Variants in SLC25A42 observed in about 807,000 individuals in gnomAD.
SLC25A42 encodes the protein solute carrier family 25 member 42.
A neutral mutation model predicts 34.7 loss-of-function variants in SLC25A42; 19 were observed. The ratio of observed to expected loss-of-function variants is 0.55; its 90% CI spans 0.38 to 0.80. The LOEUF is 0.80. Ranked by LOEUF, SLC25A42 falls within the 30% of genes least tolerant of loss-of-function variation. SLC25A42 has a pLI of 0.00. For synonymous variants in SLC25A42, 205 were observed against 191.2 expected, an observed-to-expected ratio of 1.07 and a Z score of -0.59; for missense variants, 364 against 441.3, an observed-to-expected ratio of 0.82 and a Z score of 1.57.
At chr19:19,084,406 C>T (rs1336018974) in intron 1 of SLC25A42, among the ~76,000 whole-genome samples, 1 of 152,210 alleles carries the variant, frequency 6.6e-6, no homozygotes, top group Admixed American at 6.5e-5. Context: ...GCTTCTTTGT[C>T]TATGGCGGTG....
At chr19:19,076,612 C>T (rs1027433903) in intron 1 of SLC25A42, among the ~76,000 whole-genome samples, 1 of 152,214 alleles carries the variant, frequency 6.6e-6, no homozygotes, top group East Asian at 1.9e-4. Flanking sequence ...CCAGGTTTGG[C>T]ATCCATTGGC....
Position 19,107,951 on chromosome 19 carries a change from T to C in SLC25A42, c.555T>C (p.Thr185=). The change falls in exon 7 of 8, where the codon ACT becomes ACC. Residue 185 remains threonine (T), a synonymous_variant. Transcript: ENST00000318596. ...IRISREEGLK[T]LYHGFMPTVL... ...TCTCGAGAGAAGAGGGGCTGAAGAC[T>C]CTCTACCATGGATTTATGCCCACCG... 2 of 1,614,036 alleles carry C rather than the reference T, an allele frequency of 1.2e-6. No homozygotes were observed. The highest frequency in any genetic ancestry group is 1.7e-6 in the Non-Finnish European group (2 of 1,179,958).
chr19:19,099,094 G>A (rs963390764), intron 2 of SLC25A42, among the ~76,000 whole-genome samples: 1 of 152,152 alleles, frequency 6.6e-6, no homozygotes, highest in Non-Finnish European at 1.5e-5. Flanking sequence ...GAAGAAACTG[G>A]CCTGAAGCTG....
rs1395094816 is a variant in SLC25A42, at chr19:19,110,514, G to A, written c.650-55G>A. ...GGTGCAAAGGCGCGCGCACGGGTGC[G>A]GGGTGCGCGCCCCCTCGCGGCGCCT... On this transcript the variant is annotated intron_variant, in intron 7 of 7. Coordinates refer to ENST00000318596, the MANE Select transcript of SLC25A42 (RefSeq NM_178526.5). 2.2e-6 allele frequency: 3 copies of A among 1,356,068 alleles called. No homozygotes were observed. The East Asian group carries it at 9.0e-5, about 41-fold the overall frequency. 84.0% of individuals were successfully genotyped at this position (1,356,068 alleles called of 1,614,324 possible).
intron 3 of SLC25A42, among the ~76,000 whole-genome samples, chr19:19,103,584 G>A (rs1352789818): frequency 6.6e-6 from 1 of 152,296 alleles, no homozygotes; most frequent in Admixed American, 6.5e-5. Flanking sequence ...AGAAACCCTC[G>A]CCCTCCCTCG....
At position 19,066,558 on chromosome 19, in the gene SLC25A42, C is replaced by T. The variant is rs1453593737; in HGVS notation, c.-35+2443C>T. ...CCGCCTCCCAAGTTCAAGCCATTCT[C>T]CTGCCTCAGCCTCCTGAGTAGCTGG... On this transcript the variant is annotated intron_variant, in intron 1 of 7. Coordinates refer to ENST00000318596, the MANE Select transcript of SLC25A42 (RefSeq NM_178526.5). Among the ~76,000 whole-genome samples, 4 of 151,984 alleles carry T rather than the reference C, an allele frequency of 2.6e-5. No individual in the cohort carries two copies. The East Asian group carries it at 5.8e-4, about 22-fold the overall frequency.
At chr19:19,097,982 T>C (rs1300338266) in intron 2 of SLC25A42, among the ~76,000 whole-genome samples, 1 of 148,078 alleles carries the variant, frequency 6.8e-6, no homozygotes, top group Non-Finnish European at 1.5e-5. Context: ...AAAAAAATAC[T>C]GAGCTTCTTC....
intron 1 of SLC25A42, among the ~76,000 whole-genome samples, chr19:19,077,844 G>A (rs1422224424): frequency 6.6e-6 from 1 of 152,136 alleles, no homozygotes; most frequent in Non-Finnish European, 1.5e-5. Context: ...CTGAGATCGT[G>A]CCATTGCACT....
intron 1 of SLC25A42, among the ~76,000 whole-genome samples, chr19:19,079,203 A>G (rs545004865): frequency 2.0e-5 from 3 of 151,876 alleles, no homozygotes; most frequent in African/African-American, 7.3e-5. Flanking sequence ...TTACAGGTGC[A>G]TGCCATCATA....
At chr19:19,106,412 T>C in intron 6 of SLC25A42, 27 bp downstream of exon 6, 3 of 1,580,930 alleles carry the variant, frequency 1.9e-6, no homozygotes, top group Non-Finnish European at 2.6e-6. Context: ...GTGATGCGCA[T>C]CAGCCCCGGG....
At chr19:19,108,342 G>A (rs1186066165) in intron 7 of SLC25A42, among the ~76,000 whole-genome samples, 3 of 152,192 alleles carry the variant, frequency 2.0e-5, no homozygotes, top group Non-Finnish European at 4.4e-5. Flanking sequence ...CTTGAGGTCA[G>A]GAGTTGCAGA....
At chr19:19,108,914 G>A (rs891445994) in intron 7 of SLC25A42, among the ~76,000 whole-genome samples, 1 of 151,680 alleles carries the variant, frequency 6.6e-6, no homozygotes, top group African/African-American at 2.4e-5. Flanking sequence ...GTGAGCCGCT[G>A]CACTCAGCCC....
chr19:19,100,056 T>C (rs1318155934), intron 2 of SLC25A42, among the ~76,000 whole-genome samples: 1 of 151,512 alleles, frequency 6.6e-6, no homozygotes, highest in Non-Finnish European at 1.5e-5. Flanking sequence ...AAATAGCCCA[T>C]TTCGGCCGGG....
At chr19:19,073,100 G>A (rs143169162) in intron 1 of SLC25A42, among the ~76,000 whole-genome samples, 130 of 152,366 alleles carry the variant, frequency 8.5e-4, no homozygotes, top group African/African-American at 3.1e-3. Flanking sequence ...GCATGCTGCT[G>A]TGTGGCTATG....
chr19:19,071,989 C>T (rs1026759408), intron 1 of SLC25A42, among the ~76,000 whole-genome samples: 3 of 152,226 alleles, frequency 2.0e-5, no homozygotes, highest in African/African-American at 7.2e-5. Context: ...CTCAGACTGG[C>T]ATGGGGCGAC....
At position 19,101,808 on chromosome 19, in the gene SLC25A42, C is replaced by T. The variant is rs138517933; in HGVS notation, c.109C>T (p.Leu37=). Residue 37 remains leucine (L), a synonymous_variant, in exon 3 of 8, where the codon CTG becomes TTG. Coordinates refer to ENST00000318596, the MANE Select transcript of SLC25A42 (RefSeq NM_178526.5). ...KRDHRQVLSS[L]LSGALAGALA... is the part of the protein sequence containing the mutation. ...TGACCACAGGCAAGTGCTCAGCTCC[C>T]TGCTGTCTGGGGCCCTGGCTGGTGC... The T allele has an allele frequency of 7.9e-5, 128 of 1,613,798 alleles. No individual in the cohort carries two copies. In the African/African-American group the frequency reaches 1.2e-3, roughly 16 times the overall value.
chr19:19,100,761 T>C (rs1336747847), intron 2 of SLC25A42, among the ~76,000 whole-genome samples: 1 of 152,210 alleles, frequency 6.6e-6, no homozygotes, highest in African/African-American at 2.4e-5. Context: ...GGAAGGGTCT[T>C]GTACACACCC....
intron 2 of SLC25A42, among the ~76,000 whole-genome samples, chr19:19,097,004 A>G (rs1049228049): frequency 6.6e-6 from 1 of 152,160 alleles, no homozygotes; most frequent in Non-Finnish European, 1.5e-5. Flanking sequence ...TTTACTCTGC[A>G]TTTCCAAGTT....
chr19:19,074,921 C>A (rs762886675), intron 1 of SLC25A42, among the ~76,000 whole-genome samples: 14 of 152,060 alleles, frequency 9.2e-5, no homozygotes, highest in Non-Finnish European at 1.9e-4. Flanking sequence ...GAGGCAGAGG[C>A]AGGTCGACTG....
Sources: allele counts gnomAD v4.1 joint callset (sites outside exome capture counted in the v4.1 genomes callset), GRCh38; gene constraint gnomAD v4.1.1; transcripts MANE v1.5; gene names NCBI Gene and HGNC (gene_info 2026-07-23, HGNC 2026-07-21).